DYNC1H1: variants seen among roughly 807,000 people sequenced by gnomAD.
The protein encoded by DYNC1H1 is dynein cytoplasmic 1 heavy chain 1.
DYNC1H1 carries 51 observed loss-of-function variants against 527.1 expected under a neutral mutation model. That is an observed-to-expected ratio of 0.10 (90% CI 0.08 to 0.12). The LOEUF is 0.12. Among genes scored for constraint, DYNC1H1 ranks in the 10% least tolerant of loss-of-function variants. The pLI is 1.00. For missense variants in DYNC1H1, 2,771 were observed against 5,971.8 expected, an observed-to-expected ratio of 0.46 and a Z score of 17.66; for synonymous variants, 2,189 against 2,278.8, an observed-to-expected ratio of 0.96 and a Z score of 1.12.
At chr14:102,048,891 C>A in intron 74 of DYNC1H1, 2 of 622,952 alleles carry the variant, frequency 3.2e-6, no homozygotes, top group Non-Finnish European at 5.5e-6. Flanking sequence ...GAATGTTGAC[C>A]AAAATCTTTA....
intron 18 of DYNC1H1, chr14:102,000,620 G>A: frequency 1.9e-6 from 1 of 537,452 alleles, no homozygotes. Context: ...TGTTGCCCAG[G>A]CTGGAGTGCA....
In DYNC1H1 at chr14:102,039,620, C is replaced by T; in HGVS notation, c.11596-18C>T. 1.9e-6 allele frequency: 3 copies of T among 1,614,176 alleles called. No homozygotes were observed. Among genetic ancestry groups the T allele is most frequent in the South Asian group, 1.1e-5 (1 of 91,080 alleles). Reference sequence around the variant, plus strand: ...TGCTTCTCTTATGGAACAACATCGTCTCCTGCTCTTGTCCCAGGTGGCGTT... The same window carrying T: ...TGCTTCTCTTATGGAACAACATCGTTTCCTGCTCTTGTCCCAGGTGGCGTT... On this transcript the variant is annotated intron_variant, in intron 61 of 77. Transcript: ENST00000360184. This position sits in a 1 kb window ranked among gnomAD's most constrained non-coding sequence, Gnocchi z 7.0.
rs372493817 is a variant in DYNC1H1, at chr14:102,027,642, C to T, written c.9072C>T (p.Asp3024=). 1.4e-5 allele frequency: 23 copies of T among 1,613,916 alleles called. No homozygotes were observed. The highest frequency in any genetic ancestry group is 9.3e-5 in the African/African-American group (7 of 74,878). Residue 3024 remains aspartate (D), a synonymous_variant, in exon 47 of 78, where the codon GAC becomes GAT. Transcript: ENST00000360184. The surrounding 1 kb of genome is among the most constrained non-coding windows in gnomAD (Gnocchi z 7.7). ...NGEVPGLFEG[D]EYATLMTQCK... ...AGGTGCCTGGTCTCTTTGAAGGAGA[C>T]GAGTATGCCACCTTGATGACGCAGT...
intron 51 of DYNC1H1, among the ~76,000 whole-genome samples, chr14:102,031,631 G>A (rs544260916): frequency 6.6e-6 from 1 of 152,122 alleles, no homozygotes; most frequent in South Asian, 2.1e-4. Context: ...ATGCACAATT[G>A]CACTTAAAAT....
At chr14:101,992,790 C>T (rs538954792) in intron 11 of DYNC1H1, among the ~76,000 whole-genome samples, 21 of 152,252 alleles carry the variant, frequency 1.4e-4, no homozygotes, top group African/African-American at 4.6e-4. Context: ...AGGCTCCCTC[C>T]TGCGTGATGC....
chr14:102,011,170 A>C lies in DYNC1H1; in HGVS notation c.6618+218A>C. 1.7e-6 allele frequency: 1 copy of C among 601,252 alleles called. No homozygotes were observed. Among genetic ancestry groups the C allele is most frequent in the Admixed American group, 2.7e-5 (1 of 37,552 alleles). 37.2% of individuals were successfully genotyped at this position (601,252 alleles called of 1,614,324 possible). On this transcript the variant is annotated intron_variant, in intron 32 of 77. Transcript: ENST00000360184. The surrounding 1 kb of genome is among the most constrained non-coding windows in gnomAD (Gnocchi z 5.3). ...TTAACCTGAAAATTTTACATGATAC[A>C]GTTCAATTTCTGAAAATGCTAAGTG...
intron 10 of DYNC1H1, among the ~76,000 whole-genome samples, chr14:101,989,390 C>T (rs1454387977): frequency 6.6e-6 from 1 of 152,210 alleles, no homozygotes; most frequent in East Asian, 1.9e-4. Context: ...GTGGCCACCA[C>T]ACGGAGTAGT....
intron 18 of DYNC1H1, 63 bp downstream of exon 18, chr14:102,000,462 C>T (rs1400090108): frequency 6.1e-6 from 9 of 1,481,950 alleles, no homozygotes; most frequent in East Asian, 4.6e-5. Context: ...TATTTAGGAA[C>T]GTGACAAGCC....
chr14:102,027,171 C>T lies in DYNC1H1; in HGVS notation c.8772-3C>T. ...ACATTGATCAGTTCTCGTAATGTTT[C>T]AGAATATTCCGTCAACCTCAAGGCC... On this transcript the variant is annotated splice_polypyrimidine_tract_variant and splice_region_variant and intron_variant, in intron 44 of 77. Transcript: ENST00000360184. The surrounding 1 kb of genome is among the most constrained non-coding windows in gnomAD (Gnocchi z 7.7). 1 of 1,613,884 alleles carries T rather than the reference C, an allele frequency of 6.2e-7. No homozygotes were observed.
chr14:102,015,407 C>A lies in DYNC1H1; in HGVS notation c.7242+75C>A. The A allele has an allele frequency of 6.7e-7, 1 of 1,482,162 alleles. No homozygotes were observed. The highest frequency in any genetic ancestry group is 1.3e-5 in the South Asian group (1 of 76,312). 91.8% of individuals were successfully genotyped at this position (1,482,162 alleles called of 1,614,324 possible). Reference sequence around the variant, plus strand: ...TTCAGATGTGGTCTCGCTGTGTTGCCCACGCTGGTCTTGAACTCCTGGGCC... The same window carrying A: ...TTCAGATGTGGTCTCGCTGTGTTGCACACGCTGGTCTTGAACTCCTGGGCC... On this transcript the variant is annotated intron_variant, in intron 35 of 77. Transcript: ENST00000360184. The surrounding 1 kb of genome is among the most constrained non-coding windows in gnomAD (Gnocchi z 6.9).
intron 72 of DYNC1H1, among the ~76,000 whole-genome samples, chr14:102,046,429 G>A (rs964927951): frequency 1.3e-5 from 2 of 151,266 alleles, no homozygotes; most frequent in African/African-American, 2.4e-5. Context: ...AGCCAGGCGA[G>A]CTGGGCGGGT....
At chr14:102,019,769 CTTCTTAAATAT>C (rs988084876) in intron 41 of DYNC1H1, 113 bp from the exon 42 acceptor site, 6 of 1,270,266 alleles carry the variant, frequency 4.7e-6, no homozygotes, top group Middle Eastern at 2.3e-4. Flanking sequence ...GTCCAGCTAT[CTTCTTAAATAT>C]TTCAGGGTCT....
Position 102,027,749 on chromosome 14 carries a change from G to T in DYNC1H1, c.9179G>T (p.Arg3060Leu). 1 of 1,614,136 alleles carries T rather than the reference G, an allele frequency of 6.2e-7. No homozygotes were observed. Among genetic ancestry groups the T allele is most frequent in the Non-Finnish European group, 8.5e-7 (1 of 1,180,020 alleles). ...AAGTGGTTCACTAGCCAGGTTATCC[G>T]CAACCTCCACGTCGTGTTCACCATG... ...LYKWFTSQVI[R>L]NLHVVFTMNP... is the part of the protein sequence containing the mutation. The change falls in exon 47 of 78, where the codon CGC becomes CTC. Residue 3060 changes from arginine to leucine, a missense_variant. By Grantham distance (102) the Arg-to-Leu change is moderately radical. Around this residue, in one of 32 missense-constraint regions of DYNC1H1, gnomAD observed 84 missense variants for 285.4 expected, o/e 0.29. Transcript: ENST00000360184. This position sits in a 1 kb window ranked among gnomAD's most constrained non-coding sequence, Gnocchi z 7.7.
At position 102,016,284 on chromosome 14, in the gene DYNC1H1, TGTAA is replaced by T. The variant is rs765473010; in HGVS notation, c.7474-62_7474-59del. The T allele has an allele frequency of 1.1e-5, 17 of 1,599,196 alleles. No homozygotes were observed. Among genetic ancestry groups the T allele is most frequent in the South Asian group, 1.1e-5 (1 of 89,634 alleles). On this transcript the variant is annotated intron_variant, in intron 36 of 77. Coordinates refer to ENST00000360184, the MANE Select transcript of DYNC1H1 (RefSeq NM_001376.5). This position sits in a 1 kb window ranked among gnomAD's most constrained non-coding sequence, Gnocchi z 7.3. ...ACCACTGTCTTTAGGTTAACTTTGC[TGTAA>T]GTGTCTTTCTTTTGTTGTTGAAATT...
chr14:101,999,966 C>G, intron 16 of DYNC1H1, 23 bp from the exon 17 acceptor site: 1 of 1,614,094 alleles, frequency 6.2e-7, no homozygotes, highest in Non-Finnish European at 8.5e-7. Context: ...TGCTCCAATT[C>G]TCTGTGCTCT....
At position 101,986,262 on chromosome 14, in the gene DYNC1H1, G is replaced by C; in HGVS notation, c.2037G>C (p.Gly679=). 6.2e-7 allele frequency: 1 copy of C among 1,613,940 alleles called. No homozygotes were observed. Residue 679 remains glycine (G), a synonymous_variant, in exon 8 of 78, where the codon GGG becomes GGC. Transcript: ENST00000360184. This position sits in a 1 kb window ranked among gnomAD's most constrained non-coding sequence, Gnocchi z 8.7. Reference sequence around the variant, plus strand: ...AGGGCTGGGAGAATCACGTGGAGGGGCAGAAGCTGAAGCAGGATGGAGACA... The same window carrying C: ...AGGGCTGGGAGAATCACGTGGAGGGCCAGAAGCTGAAGCAGGATGGAGACA... ...LGKGWENHVE[G]QKLKQDGDSF... is the part of the protein sequence containing the mutation.
rs190238474 is a variant in DYNC1H1, at chr14:102,034,530, G to A, written c.10754+78G>A. The A allele has an allele frequency of 2.4e-5, 38 of 1,605,920 alleles. No homozygotes were observed. In the East Asian group the frequency reaches 7.4e-4, roughly 31 times the overall value. ...TGAATTTTTTTCAAAATACACCCTTGTTTGAAGAGAGGAATAGAAAATGGG... is the reference window on the plus strand; with the variant it reads ...TGAATTTTTTTCAAAATACACCCTTATTTGAAGAGAGGAATAGAAAATGGG... On this transcript the variant is annotated intron_variant, in intron 56 of 77. Transcript: ENST00000360184.
intron 42 of DYNC1H1, among the ~76,000 whole-genome samples, chr14:102,022,070 A>T (rs2048390490): frequency 6.6e-6 from 1 of 151,902 alleles, no homozygotes. Context: ...TGGGAAGCAG[A>T]GGTTGCAGTG....
chr14:102,020,062 G>A lies in DYNC1H1; in HGVS notation c.8507+6G>A, dbSNP rs756075431. 1 of 1,614,038 alleles carries A rather than the reference G, an allele frequency of 6.2e-7. No individual in the cohort carries two copies. The highest frequency in any genetic ancestry group is 8.5e-7 in the Non-Finnish European group (1 of 1,179,978). ...CTGCGTCTCTTCCAAGATAGGTAAG[G>A]GAAGCCGAGGATCCAGTTGGTCCCA... On this transcript the variant is annotated splice_donor_region_variant and intron_variant, in intron 42 of 77. Coordinates refer to ENST00000360184, the MANE Select transcript of DYNC1H1 (RefSeq NM_001376.5). This position sits in a 1 kb window ranked among gnomAD's most constrained non-coding sequence, Gnocchi z 4.3.
Sources: gnomAD v4.1 joint callset for allele counts (sites outside exome capture counted in the v4.1 genomes callset) on GRCh38, gnomAD v4.1.1 for gene constraint, gnomAD v4.1.1 regional missense constraint, Gnocchi (gnomAD v3.1) non-coding constraint, MANE v1.5 for transcripts, NCBI Gene and HGNC (gene_info 2026-07-23, HGNC 2026-07-21) for gene names.